H2AJ: variants seen among roughly 807,000 people sequenced by gnomAD.
The protein encoded by H2AJ is H2A.J histone.
H2AJ carries 3 observed loss-of-function variants against 7.9 expected under a neutral mutation model. That is an observed-to-expected ratio of 0.38 (90% confidence interval 0.17 to 0.98). H2AJ has a LOEUF of 0.98. H2AJ is among the 50% of genes least tolerant of loss of function. The pLI, the probability that H2AJ is intolerant of heterozygous loss-of-function variation, is 0.39. For missense variants in H2AJ, 128 were observed against 174.4 expected (o/e 0.73, Z 1.50); for synonymous variants, 98 against 85.7 (o/e 1.14, Z -0.79).
chr12:14,775,116 G>T (rs1592206796), downstream of H2AJ: 2 of 543,862 alleles, frequency 3.7e-6, no homozygotes, highest in East Asian at 6.8e-5. Flanking sequence ...GGCACTGGTG[G>T]GTGGGCTTGA....
At chr12:14,776,205 C>A (rs1476206222), downstream of H2AJ, 1 of 167,090 alleles carries the variant, frequency 6.0e-6, no homozygotes, top group Non-Finnish European at 1.5e-5. Flanking sequence ...CCCACATGGA[C>A]TTTATTTTGT....
chr12:14,776,813 A>AT (rs1949646496), downstream of H2AJ: 1 of 167,082 alleles, frequency 6.0e-6, no homozygotes, highest in African/African-American at 2.4e-5. Context: ...TCTTAAAGGG[A>AT]TGAGGCATCT....
At chr12:14,776,242 A>G (rs1199615589), downstream of H2AJ, 1 of 167,160 alleles carries the variant, frequency 6.0e-6, no homozygotes, top group Admixed American at 6.5e-5. Context: ...ACAGCTGTCT[A>G]TGCCAGGCTC....
chr12:14,774,775 C>A lies in H2AJ; in HGVS notation c.305C>A (p.Thr102Asn). ...TTAAACAAGCTGCTGGGCAAAGTGA[C>A]CATCGCTCAGGGCGGCGTCCTGCCC... Reference protein sequence around the residue: ...EELNKLLGKVTIAQGGVLPNI... With the variant: ...EELNKLLGKVNIAQGGVLPNI... The change falls in exon 1 of 1, where the codon ACC (threonine) becomes AAC (asparagine). Residue 102 changes from threonine to asparagine, a missense_variant. Transcript: ENST00000544848. 6.2e-7 allele frequency: 1 copy of A among 1,614,202 alleles called. No homozygotes were observed. Among genetic ancestry groups the A allele is most frequent in the Non-Finnish European group, 8.5e-7 (1 of 1,180,010 alleles).
In H2AJ at chr12:14,774,772, T is replaced by C. The variant is rs917185310; in HGVS notation, c.302T>C (p.Val101Ala). 6.2e-7 allele frequency: 1 copy of C among 1,614,168 alleles called. No individual in the cohort carries two copies. The highest frequency in any genetic ancestry group is 1.3e-5 in the African/African-American group (1 of 75,052). Residue 101 changes from valine to alanine, a missense_variant, in exon 1 of 1, where the codon GTG (valine) becomes GCG (alanine). By Grantham distance (64) the Val-to-Ala change is moderately conservative (BLOSUM62 0). Transcript: ENST00000544848. ...DEELNKLLGK[V>A]TIAQGGVLPN... ...GAGTTAAACAAGCTGCTGGGCAAAG[T>C]GACCATCGCTCAGGGCGGCGTCCTG...
chr12:14,777,149 A>C (rs918621826), downstream of H2AJ: 5 of 167,026 alleles, frequency 3.0e-5, no homozygotes, highest in Non-Finnish European at 5.9e-5. Context: ...ACTCCTACAA[A>C]ATCAGCTCAG....
At chr12:14,776,487 C>T (rs1451659087), downstream of H2AJ, 1 of 167,072 alleles carries the variant, frequency 6.0e-6, no homozygotes, top group Non-Finnish European at 1.5e-5. Flanking sequence ...CCGTACACAC[C>T]TCTGTTAGGA....
chr12:14,774,866 A>G lies in H2AJ; in HGVS notation c.*6A>G. On this transcript the variant is annotated 3_prime_UTR_variant, in exon 1 of 1. Transcript: ENST00000544848. ...AGAAGACGAAGAGCAAATGACCCTGACGCCGCCCTCAGGGAGCTGGCTCCC... is the reference window on the plus strand; with the variant it reads ...AGAAGACGAAGAGCAAATGACCCTGGCGCCGCCCTCAGGGAGCTGGCTCCC... 1 of 1,612,222 alleles carries G rather than the reference A, an allele frequency of 6.2e-7. No individual in the cohort carries two copies. The highest frequency in any genetic ancestry group is 1.7e-5 in the Admixed American group (1 of 59,666).
chr12:14,775,507 A>G, downstream of H2AJ: 1 of 447,050 alleles, frequency 2.2e-6, no homozygotes, highest in Non-Finnish European at 4.7e-6. Flanking sequence ...TGGATATCAG[A>G]TATCTTTATA....
rs1371765120 is a variant in H2AJ at position 14,774,982 on chromosome 12, C to A, written c.*122C>A. 3 of 1,167,162 alleles carry A rather than the reference C, an allele frequency of 2.6e-6. No homozygotes were observed. Among genetic ancestry groups the A allele is most frequent in the Non-Finnish European group, 2.4e-6 (2 of 830,466 alleles). 72.3% of individuals were successfully genotyped at this position (1,167,162 alleles called of 1,614,324 possible). On this transcript the variant is annotated 3_prime_UTR_variant, in exon 1 of 1. Coordinates refer to ENST00000544848, the MANE Select transcript of H2AJ (RefSeq NM_177925.5). ...CGGTGACATCTAGCGGGGAGGTGGGCGGCGAGGGTCCCGGCGGGAGCCAAT... is the reference window on the plus strand; with the variant it reads ...CGGTGACATCTAGCGGGGAGGTGGGAGGCGAGGGTCCCGGCGGGAGCCAAT...
At chr12:14,777,030 A>T (rs74699037), downstream of H2AJ, 1 of 167,068 alleles carries the variant, frequency 6.0e-6, no homozygotes, top group Non-Finnish European at 1.5e-5. Flanking sequence ...GATTCTTAGC[A>T]TCCCCTCACA....
chr12:14,777,888 G>C (rs146755652), downstream of H2AJ: 3 of 167,046 alleles, frequency 1.8e-5, no homozygotes, highest in Admixed American at 6.5e-5. Context: ...GCAATCCTTC[G>C]ACTTTTGTGA....
chr12:14,775,123 T>C, downstream of H2AJ: 1 of 533,120 alleles, frequency 1.9e-6, no homozygotes, highest in Non-Finnish European at 3.5e-6. Context: ...GTGGGTGGGC[T>C]TGAGCCACTC....
chr12:14,774,947 C>A lies in H2AJ; in HGVS notation c.*87C>A. The A allele has an allele frequency of 6.9e-7, 1 of 1,441,476 alleles. No homozygotes were observed. The highest frequency in any genetic ancestry group is 9.4e-7 in the Non-Finnish European group (1 of 1,062,902). The allele number at this position is 1,441,476 out of a possible 1,614,324, so 89.3% of individuals were successfully genotyped here. A position where few individuals can be genotyped will look rare whatever the true frequency, so the allele number is the denominator to read the frequency against. On this transcript the variant is annotated 3_prime_UTR_variant, in exon 1 of 1. Coordinates refer to ENST00000544848, the MANE Select transcript of H2AJ (RefSeq NM_177925.5). ...CAATGCTTTTGAATGTGCTGGATGT[C>A]ATGGAGGGCCGGTGACATCTAGCGG... is the stretch of plus-strand genomic sequence containing the variant.
chr12:14,774,872 C>T lies in H2AJ; in HGVS notation c.*12C>T. 6.2e-7 allele frequency: 1 copy of T among 1,610,904 alleles called. No homozygotes were observed. Among genetic ancestry groups the T allele is most frequent in the South Asian group, 1.1e-5 (1 of 90,878 alleles). The stretch of plus-strand genomic sequence containing the variant: ...CGAAGAGCAAATGACCCTGACGCCG[C>T]CCTCAGGGAGCTGGCTCCCCCAGCA... On this transcript the variant is annotated 3_prime_UTR_variant, in exon 1 of 1. Coordinates refer to ENST00000544848, the MANE Select transcript of H2AJ (RefSeq NM_177925.5).
downstream of H2AJ, chr12:14,775,153 G>GGT: frequency 2.0e-6 from 1 of 500,436 alleles, no homozygotes; most frequent in Admixed American, 2.8e-5. Flanking sequence ...TTAGTCCGCA[G>GGT]GTCACCCTCG....
rs896199598 is a variant in H2AJ, at chr12:14,774,877, A to T, written c.*17A>T. The T allele has an allele frequency of 3.1e-6, 5 of 1,610,212 alleles. No homozygotes were observed. Among genetic ancestry groups the T allele is most frequent in the Non-Finnish European group, 4.2e-6 (5 of 1,177,964 alleles). On this transcript the variant is annotated 3_prime_UTR_variant, in exon 1 of 1. Transcript: ENST00000544848. ...AGCAAATGACCCTGACGCCGCCCTC[A>T]GGGAGCTGGCTCCCCCAGCAAAGGC...
chr12:14,775,494 C>G, downstream of H2AJ: 1 of 465,672 alleles, frequency 2.1e-6, no homozygotes. Context: ...TGCTTTCATG[C>G]TTTGGATATC....
Position 14,774,815 on chromosome 12 carries a change from G to T in H2AJ, c.345G>T (p.Val115=). Residue 115 remains valine, a synonymous_variant, in exon 1 of 1, where the codon GTG becomes GTT. Coordinates refer to ENST00000544848, the MANE Select transcript of H2AJ (RefSeq NM_177925.5). The part of the protein sequence containing the change: ...QGGVLPNIQA[V]LLPKKTESQK... ...GCGTCCTGCCCAACATCCAGGCCGT[G>T]CTGCTGCCCAAGAAGACGGAGAGTC... 5.0e-6 allele frequency: 8 copies of T among 1,614,242 alleles called. No homozygotes were observed. Among genetic ancestry groups the T allele is most frequent in the Non-Finnish European group, 5.9e-6 (7 of 1,180,040 alleles).
Sources: gnomAD v4.1 joint callset for allele counts on GRCh38, gnomAD v4.1.1 for gene constraint, MANE v1.5 for transcripts, NCBI Gene and HGNC (gene_info 2026-07-23, HGNC 2026-07-21) for gene names.